PDGFD: variants seen among roughly 807,000 people sequenced by gnomAD.
PDGFD encodes platelet-derived growth factor D.
In PDGFD, 30 loss-of-function variants were observed where a neutral mutation model predicts 44.7. The ratio of observed to expected loss-of-function variants is 0.67; its 90% CI spans 0.50 to 0.91. The LOEUF is 0.91. Ranked by LOEUF, PDGFD falls within the 40% of genes least tolerant of loss-of-function variation. The pLI is 0.00. For synonymous variants in PDGFD, 173 were observed against 168.4 expected (o/e 1.03, Z -0.21); for missense variants, 445 against 457.8 (o/e 0.97, Z 0.25).
rs76631668 is a variant in PDGFD at position 104,048,981 on chromosome 11, C to T, written c.125-48726G>A. ...CTGTAAGAATTAAACAACATCTCCA[C>T]TGTAAAGATTAGGACACTGAGGAAC... On this transcript the variant is annotated intron_variant, in intron 1 of 6. Transcript: ENST00000393158. Among the ~76,000 whole-genome samples, 5 of 152,322 alleles carry T rather than the reference C, an allele frequency of 3.3e-5. No homozygotes were observed. The East Asian group carries it at 9.6e-4, about 29-fold the overall frequency.
At chr11:103,934,718 T>G (rs1858460213) in intron 5 of PDGFD, among the ~76,000 whole-genome samples, 1 of 152,120 alleles carries the variant, frequency 6.6e-6, no homozygotes, top group African/African-American at 2.4e-5. Context: ...CTTGTGCCAC[T>G]CACTCACTAT....
intron 3 of PDGFD, among the ~76,000 whole-genome samples, chr11:103,960,953 C>T (rs1858926629): frequency 6.6e-6 from 1 of 152,052 alleles, no homozygotes; most frequent in South Asian, 2.1e-4. Context: ...TCCCAAAGGC[C>T]CCACTTGTCA....
chr11:104,160,106 T>C (rs1389355046), intron 1 of PDGFD, among the ~76,000 whole-genome samples: 2 of 152,226 alleles, frequency 1.3e-5, no homozygotes, highest in Non-Finnish European at 2.9e-5. Flanking sequence ...ATCTTTGTAC[T>C]TAAGTCAGTG....
At chr11:104,027,528 A>C (rs1176291950) in intron 1 of PDGFD, among the ~76,000 whole-genome samples, 1 of 152,238 alleles carries the variant, frequency 6.6e-6, no homozygotes, top group Non-Finnish European at 1.5e-5. Flanking sequence ...ATTTTACATA[A>C]GAGGATAATG....
At chr11:104,138,257 T>C (rs189735593) in intron 1 of PDGFD, among the ~76,000 whole-genome samples, 20 of 152,312 alleles carry the variant, frequency 1.3e-4, no homozygotes, top group Admixed American at 5.9e-4. Context: ...TTCTAAATTA[T>C]ACATTAATTT....
chr11:104,044,704 C>T (rs1169330446), intron 1 of PDGFD, among the ~76,000 whole-genome samples: 1 of 152,138 alleles, frequency 6.6e-6, no homozygotes, highest in African/African-American at 2.4e-5. Context: ...GTCTGCAGTG[C>T]CATCTCATCC....
chr11:103,984,148 C>T lies in PDGFD; in HGVS notation c.510+11917G>A, dbSNP rs369435511. 7.9e-4 allele frequency among the ~76,000 whole-genome samples: 120 copies of T among 151,600 alleles called. 3 individuals carry two copies. Among genetic ancestry groups the T allele is most frequent in the Middle Eastern group, 3.4e-3 (1 of 294 alleles). On this transcript the variant is annotated intron_variant, in intron 3 of 6. Transcript: ENST00000393158. ...AGCACTATTTACAATAGCAAATACACGGAATCAAGACATATGGTCATCAAT... is the reference window on the plus strand; with the variant it reads ...AGCACTATTTACAATAGCAAATACATGGAATCAAGACATATGGTCATCAAT...
intron 1 of PDGFD, among the ~76,000 whole-genome samples, chr11:104,118,144 G>A (rs2134457928): frequency 6.6e-6 from 1 of 151,968 alleles, no homozygotes; most frequent in African/African-American, 2.4e-5. Context: ...TTCCTGCTAT[G>A]GACTGAATGT....
At chr11:103,931,952 T>C (rs1858406569) in intron 5 of PDGFD, among the ~76,000 whole-genome samples, 1 of 152,178 alleles carries the variant, frequency 6.6e-6, no homozygotes, top group South Asian at 2.1e-4. Flanking sequence ...AGGGCCATGA[T>C]GTTTTTGAAA....
At chr11:103,925,483 A>G (rs1004823337) in intron 6 of PDGFD, among the ~76,000 whole-genome samples, 1 of 151,872 alleles carries the variant, frequency 6.6e-6, no homozygotes, top group Non-Finnish European at 1.5e-5. Context: ...TGACCCTCAG[A>G]GCAACTCTGG....
At chr11:103,933,688 T>C (rs915774917) in intron 5 of PDGFD, among the ~76,000 whole-genome samples, 11 of 152,202 alleles carry the variant, frequency 7.2e-5, no homozygotes, top group African/African-American at 2.7e-4. Flanking sequence ...TGAGATGCTT[T>C]CACAAAATCA....
intron 1 of PDGFD, among the ~76,000 whole-genome samples, chr11:104,032,522 G>C (rs1413980724): frequency 6.6e-6 from 1 of 152,052 alleles, no homozygotes; most frequent in Non-Finnish European, 1.5e-5. Flanking sequence ...ATGTTACATA[G>C]TGACATTTAT....
intron 1 of PDGFD, among the ~76,000 whole-genome samples, chr11:104,157,086 C>A (rs1368250811): frequency 2.0e-5 from 3 of 152,154 alleles, no homozygotes; most frequent in South Asian, 2.1e-4. Context: ...AAACACTAGA[C>A]AGGTTACCTG....
At chr11:104,106,800 G>A (rs1000030728) in intron 1 of PDGFD, among the ~76,000 whole-genome samples, 3 of 150,590 alleles carry the variant, frequency 2.0e-5, no homozygotes, top group Non-Finnish European at 2.9e-5. Flanking sequence ...TTGGAGTGCC[G>A]TGGCATGATC....
At chr11:104,102,845 G>A (rs1455527530) in intron 1 of PDGFD, among the ~76,000 whole-genome samples, 4 of 152,122 alleles carry the variant, frequency 2.6e-5, no homozygotes, top group East Asian at 1.9e-4. Flanking sequence ...ACCAAACACC[G>A]CGTGTTCTCA....
Position 103,927,015 on chromosome 11 carries a change from C to G in PDGFD, c.884G>C (p.Arg295Pro), listed in dbSNP as rs775926086. Residue 295 changes from arginine to proline, a missense_variant, in exon 6 of 7, where the codon CGT becomes CCT. Physicochemically the swap from Arg to Pro is moderately radical, Grantham distance 103. Coordinates refer to ENST00000393158, the MANE Select transcript of PDGFD (RefSeq NM_025208.5). Reference sequence around the variant, plus strand: ...TCCACAGCGCTGCACGAGGAGGCAACGTGGAAAGAAGACCACATTGGCCAA... The same window carrying G: ...TCCACAGCGCTGCACGAGGAGGCAAGGTGGAAAGAAGACCACATTGGCCAA... ...LKLANVVFFP[R>P]CLLVQRCGGN... is the part of the protein sequence containing the mutation. 6.2e-7 allele frequency: 1 copy of G among 1,614,162 alleles called. No homozygotes were observed. The highest frequency in any genetic ancestry group is 8.5e-7 in the Non-Finnish European group (1 of 1,180,028).
intron 5 of PDGFD, among the ~76,000 whole-genome samples, chr11:103,937,590 A>G (rs1248036568): frequency 6.6e-6 from 1 of 152,046 alleles, no homozygotes; most frequent in East Asian, 1.9e-4. Flanking sequence ...TTTAGAGTAC[A>G]TATGCACAAT....
In PDGFD at chr11:103,999,977, A is replaced by G. The variant is rs532429734; in HGVS notation, c.329+74T>C. ...TTAAAAGGCTCAAAAGGAATGTTTG[A>G]TACGATGCTTTAAATTCATCTTTTT... On this transcript the variant is annotated intron_variant, in intron 2 of 6. Transcript: ENST00000393158. 7.2e-5 allele frequency: 95 copies of G among 1,317,720 alleles called. 1 individual carries two copies. In the Middle Eastern group the frequency reaches 1.9e-3, roughly 26 times the overall value. 81.6% of individuals were successfully genotyped at this position (1,317,720 alleles called of 1,614,324 possible). A position where few individuals can be genotyped will look rare whatever the true frequency, so the allele number is the denominator to read the frequency against.
intron 5 of PDGFD, among the ~76,000 whole-genome samples, chr11:103,939,188 C>T (rs1858542239): frequency 6.6e-6 from 1 of 152,134 alleles, no homozygotes; most frequent in Non-Finnish European, 1.5e-5. Flanking sequence ...TACCCATGAG[C>T]ATGGAATGTT....
Sources: gnomAD v4.1 joint callset for allele counts (sites outside exome capture counted in the v4.1 genomes callset) on GRCh38, gnomAD v4.1.1 for gene constraint, MANE v1.5 for transcripts, NCBI Gene and HGNC (gene_info 2026-07-23, HGNC 2026-07-21) for gene names.